HOMER1: variants seen among roughly 807,000 people sequenced by gnomAD.
HOMER1 encodes the protein homer protein homolog 1.
A neutral mutation model predicts 48.9 loss-of-function variants in HOMER1; 3 were observed. The observed-to-expected ratio is 0.06, with a 90% confidence interval of 0.03 to 0.16. The LOEUF is 0.16. Ranked by LOEUF, HOMER1 falls within the 10% of genes least tolerant of loss-of-function variation. The probability of loss-of-function intolerance (pLI) is 1.00; values close to 1 mark genes in which losing one functional copy is unlikely to be tolerated. For missense variants in HOMER1, 247 were observed against 411.4 expected (o/e 0.60, Z 3.46); for synonymous variants, 134 against 146.4 (o/e 0.92, Z 0.61).
At chr5:79,418,284 A>T (rs1363939029) in intron 5 of HOMER1, among the ~76,000 whole-genome samples, 2 of 152,198 alleles carry the variant, frequency 1.3e-5, no homozygotes, top group African/African-American at 4.8e-5. Context: ...AGCTTAGTCC[A>T]CTACTGATTG....
intron 1 of HOMER1, among the ~76,000 whole-genome samples, chr5:79,495,342 C>T (rs968132047): frequency 2.0e-5 from 3 of 152,176 alleles, no homozygotes; most frequent in Non-Finnish European, 4.4e-5. Context: ...AACAACCACT[C>T]ATACATCTTC....
intron 1 of HOMER1, among the ~76,000 whole-genome samples, chr5:79,502,864 C>G (rs1160751506): frequency 2.6e-5 from 4 of 152,190 alleles, no homozygotes; most frequent in Non-Finnish European, 5.9e-5. Flanking sequence ...AATCTCAGCT[C>G]ACTGCAAGCT....
chr5:79,444,431 A>T (rs538857327), intron 4 of HOMER1, among the ~76,000 whole-genome samples: 2 of 152,324 alleles, frequency 1.3e-5, no homozygotes, highest in African/African-American at 4.8e-5. Context: ...TTAGGCTTCA[A>T]ATGTTTTGAT....
chr5:79,428,530 T>A (rs1258909437), intron 5 of HOMER1, among the ~76,000 whole-genome samples: 4 of 152,096 alleles, frequency 2.6e-5, no homozygotes, highest in African/African-American at 9.7e-5. Flanking sequence ...TAATTTTATA[T>A]ATAGAAAATC....
At chr5:79,456,106 G>C (rs1287979080) in intron 2 of HOMER1, among the ~76,000 whole-genome samples, 1 of 146,820 alleles carries the variant, frequency 6.8e-6, no homozygotes, top group African/African-American at 2.5e-5. Context: ...AGTGAGCTGA[G>C]CTGTACTCCA....
chr5:79,465,993 A>G (rs1337821055), intron 1 of HOMER1, among the ~76,000 whole-genome samples: 2 of 152,130 alleles, frequency 1.3e-5, no homozygotes, highest in African/African-American at 4.8e-5. Context: ...CACTTTAATA[A>G]GTAGCTATAA....
chr5:79,508,054 A>G (rs1184336488), intron 1 of HOMER1, among the ~76,000 whole-genome samples: 1 of 152,216 alleles, frequency 6.6e-6, no homozygotes, highest in Non-Finnish European at 1.5e-5. Context: ...ACCCAGCCAG[A>G]GTTCATTGTT....
intron 1 of HOMER1, among the ~76,000 whole-genome samples, chr5:79,465,820 C>T (rs1445131241): frequency 1.3e-5 from 2 of 151,956 alleles, no homozygotes; most frequent in Non-Finnish European, 2.9e-5. Context: ...GTCTCGATCT[C>T]CTGTCCTCGT....
At chr5:79,384,243 T>C (rs981511052) in intron 8 of HOMER1, among the ~76,000 whole-genome samples, 1 of 151,248 alleles carries the variant, frequency 6.6e-6, no homozygotes, top group African/African-American at 2.4e-5. Flanking sequence ...TTTGAAAAGA[T>C]AAACAAAATT....
chr5:79,465,677 C>T (rs1751444755), intron 1 of HOMER1, among the ~76,000 whole-genome samples: 1 of 145,824 alleles, frequency 6.9e-6, no homozygotes, highest in Non-Finnish European at 1.5e-5. Flanking sequence ...ACTGCAAGCT[C>T]CACCTCCCAG....
At chr5:79,465,584 CTTTTTTTTT>C (rs10666507) in intron 1 of HOMER1, among the ~76,000 whole-genome samples, 6 of 77,894 alleles carry the variant, frequency 7.7e-5, no homozygotes, top group East Asian at 4.6e-4. Context: ...TACATTTCTT[CTTTTTTTTT>C]TTTTTTTTTT....
At chr5:79,414,951 C>A (rs544939319) in intron 5 of HOMER1, among the ~76,000 whole-genome samples, 2 of 152,264 alleles carry the variant, frequency 1.3e-5, no homozygotes, top group Non-Finnish European at 2.9e-5. Flanking sequence ...ATCACTTGGT[C>A]ATATTCTAGG....
chr5:79,379,380 AT>A (rs1245643215), intron 8 of HOMER1, among the ~76,000 whole-genome samples: 2 of 113,534 alleles, frequency 1.8e-5, no homozygotes, highest in Admixed American at 1.2e-4. Flanking sequence ...ATATTTATAT[AT>A]TTTATATATT....
At chr5:79,391,013 C>T (rs1749234197) in intron 8 of HOMER1, among the ~76,000 whole-genome samples, 1 of 151,690 alleles carries the variant, frequency 6.6e-6, no homozygotes, top group African/African-American at 2.4e-5. Flanking sequence ...ATTAAATCCC[C>T]TTTCAAAATG....
intron 8 of HOMER1, among the ~76,000 whole-genome samples, chr5:79,381,850 G>A (rs537042504): frequency 3.3e-5 from 5 of 150,616 alleles, no homozygotes; most frequent in South Asian, 2.1e-4. Context: ...ATGCCACTGC[G>A]CTCCAGCCTG....
At chr5:79,400,845 A>T (rs1414572973) in intron 6 of HOMER1, among the ~76,000 whole-genome samples, 1 of 148,818 alleles carries the variant, frequency 6.7e-6, no homozygotes, top group South Asian at 2.1e-4. Context: ...CCTGGGCTCA[A>T]GCAATCCTTC....
chr5:79,445,809 G>A (rs575797302), intron 4 of HOMER1, among the ~76,000 whole-genome samples: 1 of 152,312 alleles, frequency 6.6e-6, no homozygotes, highest in East Asian at 1.9e-4. Flanking sequence ...AGCTACTTGG[G>A]AGGCTGAGGC....
chr5:79,486,231 T>C (rs748122237), intron 1 of HOMER1, among the ~76,000 whole-genome samples: 4 of 152,218 alleles, frequency 2.6e-5, no homozygotes, highest in Admixed American at 6.5e-5. Flanking sequence ...GGAACAGAGA[T>C]GAGCTCTCTC....
At chr5:79,397,278 T>C (rs1052468192) in intron 7 of HOMER1, among the ~76,000 whole-genome samples, 2 of 152,188 alleles carry the variant, frequency 1.3e-5, no homozygotes, top group East Asian at 3.8e-4. Flanking sequence ...GTTGACTGTA[T>C]AAATGCAACT....
Sources: allele counts gnomAD v4.1 joint callset (sites outside exome capture counted in the v4.1 genomes callset), GRCh38; gene constraint gnomAD v4.1.1; transcripts MANE v1.5; gene names NCBI Gene and HGNC (gene_info 2026-07-23, HGNC 2026-07-21).